Variants in ZNF208 observed in about 807,000 individuals in gnomAD.
ZNF208 encodes zinc finger protein 95.
ZNF208 carries 10 observed loss-of-function variants against 12.1 expected under a neutral mutation model. That is an observed-to-expected ratio of 0.83 (90% CI 0.51 to 1.40). The LOEUF (loss-of-function observed/expected upper bound fraction) is 1.40, where lower values mean the gene tolerates loss of function less well. Among genes scored for constraint, ZNF208 ranks in the 40% most tolerant of loss-of-function variants. The pLI is 0.00. For missense variants in ZNF208, 1,652 were observed against 1,485.0 expected (o/e 1.11, Z -1.85); for synonymous variants, 497 against 488.4 (o/e 1.02, Z -0.23).
Position 21,973,270 on chromosome 19 carries a change from T to G in ZNF208, c.1764A>C (p.Lys588Asn), listed in dbSNP as rs775888396. The G allele has an allele frequency of 1.9e-6, 3 of 1,612,646 alleles. No individual in the cohort carries two copies. Among genetic ancestry groups the G allele is most frequent in the Non-Finnish European group, 2.5e-6 (3 of 1,179,658 alleles). Residue 588 changes from lysine to asparagine, a missense_variant, in exon 4 of 4, where the codon AAA becomes AAC. Physicochemically the swap from Lys to Asn is moderately conservative, Grantham distance 94. Around this residue, in one of 3 missense-constraint regions of ZNF208, gnomAD observed 1,239 missense variants for 1,086.2 expected, o/e 1.14. Transcript: ENST00000397126. ...EKPYKCEECG[K>N]AFNQSAILIK... ...TAAGAATTGCAGATTGGTTAAAAGC[T>G]TTGCCACATTCTTCACATTTGTAGG... is the stretch of plus-strand genomic sequence containing the variant.
chr19:21,961,619 C>A (rs2145528550), downstream of ZNF208, among the ~76,000 whole-genome samples: 1 of 152,168 alleles, frequency 6.6e-6, no homozygotes, highest in Middle Eastern at 3.4e-3. Context: ...TATTTCAGTC[C>A]TTATCTCAAT....
Position 21,974,475 on chromosome 19 carries a change from G to A in ZNF208, c.559C>T (p.His187Tyr), listed in dbSNP as rs1434659567. The change falls in exon 4 of 4, where the codon CAC becomes TAC. Residue 187 changes from histidine to tyrosine, a missense_variant. His to Tyr is a moderately conservative substitution (Grantham distance 83). Around this residue, in one of 3 missense-constraint regions of ZNF208, gnomAD observed 410 missense variants for 378.2 expected, o/e 1.08. Coordinates refer to ENST00000397126, the MANE Select transcript of ZNF208 (RefSeq NM_007153.3). ...TAAATTCTTTTATGTTGAGATAGGT[G>A]TGAAAGCATGCAAAATGATCTGACG... ...EYVRSFCMLS[H>Y]LSQHKRIYTR... is the part of the protein sequence containing the mutation. 6 of 1,613,690 alleles carry A rather than the reference G, an allele frequency of 3.7e-6. No homozygotes were observed. Among genetic ancestry groups the A allele is most frequent in the Non-Finnish European group, 5.1e-6 (6 of 1,179,752 alleles).
At chr19:22,005,570 G>A (rs1971029396) in intron 1 of ZNF208, among the ~76,000 whole-genome samples, 2 of 152,050 alleles carry the variant, frequency 1.3e-5, no homozygotes, top group African/African-American at 4.8e-5. Flanking sequence ...CACAGACCCT[G>A]ATTCAGGGCT....
At position 21,984,611 on chromosome 19, in the gene ZNF208, G is replaced by A. The variant is rs59737714; in HGVS notation, c.226+2605C>T. 8.9e-3 allele frequency among the ~76,000 whole-genome samples: 1,356 copies of A among 152,038 alleles called. 21 individuals are homozygous for A. Among genetic ancestry groups the A allele is most frequent in the African/African-American group, 0.032 (1,307 of 41,474 alleles). On this transcript the variant is annotated intron_variant, in intron 3 of 3. Coordinates refer to ENST00000397126, the MANE Select transcript of ZNF208 (RefSeq NM_007153.3). ...TATATATGAATTTAACAAAACACTCGAGCATGCTCTTATGCAAAGGTTGTA... is the reference window on the plus strand; with the variant it reads ...TATATATGAATTTAACAAAACACTCAAGCATGCTCTTATGCAAAGGTTGTA...
intron 4 of ZNF208, among the ~76,000 whole-genome samples, chr19:21,956,566 A>G (rs1424833127): frequency 2.0e-5 from 3 of 152,086 alleles, no homozygotes; most frequent in African/African-American, 7.2e-5. Context: ...CCTTGCTGCC[A>G]CCTTGCAGTT....
At chr19:21,980,111 C>A (rs1056616435) in intron 3 of ZNF208, among the ~76,000 whole-genome samples, 2 of 151,660 alleles carry the variant, frequency 1.3e-5, no homozygotes, top group Non-Finnish European at 2.9e-5. Context: ...GACTTAGATA[C>A]CCATACTATA....
chr19:21,980,320 TAAAATACTCCTCAGCAAATTTTAA>T (rs908102827), intron 3 of ZNF208, among the ~76,000 whole-genome samples: 1 of 152,118 alleles, frequency 6.6e-6, no homozygotes, highest in African/African-American at 2.4e-5. Context: ...TACTTGGAAG[TAAAATACTCCTCAGCAAATTTTAA>T]AAAATGGAAA....
At chr19:21,985,172 TAG>T (rs1970612550) in intron 3 of ZNF208, among the ~76,000 whole-genome samples, 1 of 152,150 alleles carries the variant, frequency 6.6e-6, no homozygotes, top group African/African-American at 2.4e-5. Context: ...TTGTATGAGA[TAG>T]AGAGATATAA....
At chr19:21,962,789 T>A (rs762375983), downstream of ZNF208, among the ~76,000 whole-genome samples, 20 of 152,106 alleles carry the variant, frequency 1.3e-4, no homozygotes, top group Non-Finnish European at 2.8e-4. Flanking sequence ...GATGCATCAA[T>A]AATAAAATGC....
In ZNF208 at chr19:21,990,298, A is replaced by T. The variant is rs1407083394; in HGVS notation, c.4-1389T>A. ...AAGGGATCCAGTTTCAGCTTTCTAC[A>T]TATGGCTAGCCAGTTTTCCCAGCAC... On this transcript the variant is annotated intron_variant, in intron 1 of 3. Coordinates refer to ENST00000397126, the MANE Select transcript of ZNF208 (RefSeq NM_007153.3). 9.2e-5 allele frequency among the ~76,000 whole-genome samples: 14 copies of T among 152,314 alleles called. No individual in the cohort carries two copies. The East Asian group carries it at 2.7e-3, about 29-fold the overall frequency.
intron 4 of ZNF208, among the ~76,000 whole-genome samples, chr19:21,954,407 C>T (rs11880928): frequency 0.046 from 7,055 of 152,158 alleles, 557 homozygotes; most frequent in African/African-American, 0.16. Flanking sequence ...TTCTGTCTCA[C>T]TGATCTGTCT....
In ZNF208 at chr19:21,941,574, CTT is replaced by C. The variant is rs200054294; in HGVS notation, c.306-8339_306-8338del. 3,272 of 334,374 alleles carry C rather than the reference CTT, an allele frequency of 9.8e-3. 14 individuals carry two copies. The highest frequency in any genetic ancestry group is 0.013 in the Non-Finnish European group (2,411 of 187,362). The allele number at this position is 334,374 out of a possible 1,614,324, so 20.7% of individuals were successfully genotyped here. ...TTTAAACTAAAGTGTCATGCTTTAG[CTT>C]TTTTTTTTTTGAGTTCTTATAATTT... On this transcript the variant is annotated intron_variant, in intron 4 of 4. Transcript: ENST00000599916.
At chr19:21,957,998 A>G (rs1970003073) in intron 4 of ZNF208, among the ~76,000 whole-genome samples, 1 of 151,732 alleles carries the variant, frequency 6.6e-6, no homozygotes, top group South Asian at 2.1e-4. Flanking sequence ...CCACCACCCC[A>G]TAACAGCCCC....
rs1970304709 is a variant in ZNF208, at chr19:21,972,225, T to C, written c.2809A>G (p.Lys937Glu). The change falls in exon 4 of 4, where the codon AAA becomes GAA. Residue 937 changes from lysine to glutamate, a missense_variant. Around this residue, in one of 3 missense-constraint regions of ZNF208, gnomAD observed 1,239 missense variants for 1,086.2 expected, o/e 1.14. Coordinates refer to ENST00000397126, the MANE Select transcript of ZNF208 (RefSeq NM_007153.3). ...SWLSVFSKHK[K>E]THAGEKFYKC... ...TAGAATTTCTCTCCAGCATGAGTTTTCTTATGTTTACTAAAGACTGACAAC... is the reference window on the plus strand; with the variant it reads ...TAGAATTTCTCTCCAGCATGAGTTTCCTTATGTTTACTAAAGACTGACAAC... 1.2e-6 allele frequency: 2 copies of C among 1,612,544 alleles called. No individual in the cohort carries two copies. The highest frequency in any genetic ancestry group is 1.7e-6 in the Non-Finnish European group (2 of 1,179,710).
At chr19:22,010,385 G>C (rs1455602324) in intron 1 of ZNF208, among the ~76,000 whole-genome samples, 3 of 152,106 alleles carry the variant, frequency 2.0e-5, no homozygotes, top group African/African-American at 7.2e-5. Flanking sequence ...TATTTTTGAG[G>C]TGACTTCCAT....
chr19:21,975,801 A>G (rs1488925764), intron 3 of ZNF208, among the ~76,000 whole-genome samples: 1 of 146,930 alleles, frequency 6.8e-6, no homozygotes, highest in Non-Finnish European at 1.5e-5. Context: ...CCAGAAGAAA[A>G]CTGTGTGATA....
In ZNF208 at chr19:21,987,266, C is replaced by T; in HGVS notation, c.176G>A (p.Gly59Glu). 6.2e-7 allele frequency: 1 copy of T among 1,612,672 alleles called. No homozygotes were observed. The highest frequency in any genetic ancestry group is 1.1e-5 in the South Asian group (1 of 90,736). The change falls in exon 3 of 4, where the codon GGA becomes GAA. Residue 59 changes from glycine (G) to glutamate (E), a missense_variant. Physicochemically the swap from Gly to Glu is moderately conservative, Grantham distance 98. Coordinates refer to ENST00000397126, the MANE Select transcript of ZNF208 (RefSeq NM_007153.3). ...KPDLIIFLEE[G>E]KESWNMKRHE... is the part of the protein sequence containing the mutation. ...TCTCTTCATATTCCAGGACTCTTTT[C>T]CTTCCTCCAGAAAAATGATCAGGTC...
chr19:21,998,924 A>G (rs1250643135), intron 1 of ZNF208: 1 of 151,998 alleles, frequency 6.6e-6, no homozygotes, highest in Non-Finnish European at 1.5e-5. Flanking sequence ...GAGAGCAATT[A>G]CGGTTTTTGG....
At chr19:22,010,690 TG>T in intron 1 of ZNF208, 101 bp downstream of exon 1, 2 of 1,570,716 alleles carry the variant, frequency 1.3e-6, no homozygotes, top group Non-Finnish European at 1.8e-6. Flanking sequence ...GGCACAGATG[TG>T]GAGCTGACTG....
Sources: allele counts gnomAD v4.1 joint callset (sites outside exome capture counted in the v4.1 genomes callset), GRCh38; gene constraint gnomAD v4.1.1; regional missense constraint gnomAD v4.1.1; transcripts MANE v1.5; gene names NCBI Gene and HGNC (gene_info 2026-07-23, HGNC 2026-07-21).